Variants in HMCN1 observed in about 807,000 individuals in gnomAD.
HMCN1 encodes hemicentin 1.
HMCN1 carries 321 observed loss-of-function variants against 625.9 expected under a neutral mutation model. That is an observed-to-expected ratio of 0.51 (90% CI 0.47 to 0.56). The LOEUF is 0.56. HMCN1 is among the 20% of genes least tolerant of loss of function. The pLI, the probability that HMCN1 is intolerant of heterozygous loss-of-function variation, is 0.00. For missense variants in HMCN1, 6,588 were observed against 6,887.3 expected (o/e 0.96, Z 1.54); for synonymous variants, 2,425 against 2,417.6 (o/e 1.00, Z -0.09).
At chr1:186,116,074 A>G (rs1271003551) in intron 75 of HMCN1, among the ~76,000 whole-genome samples, 1 of 152,102 alleles carries the variant, frequency 6.6e-6, no homozygotes, top group African/African-American at 2.4e-5. Context: ...ACAAAAATCA[A>G]TTCCAATACA....
intron 85 of HMCN1, among the ~76,000 whole-genome samples, chr1:186,131,822 A>G (rs1217111652): frequency 2.6e-5 from 4 of 152,142 alleles, no homozygotes; most frequent in African/African-American, 7.2e-5. Context: ...TCTGTGATTT[A>G]TTATTATAAG....
chr1:185,811,460 A>G (rs776074684), intron 1 of HMCN1, among the ~76,000 whole-genome samples: 2 of 152,102 alleles, frequency 1.3e-5, no homozygotes, highest in Non-Finnish European at 2.9e-5. Context: ...AGCCAGATGC[A>G]GTGTCATATG....
chr1:186,025,577 G>A (rs1487688038), intron 36 of HMCN1, among the ~76,000 whole-genome samples: 1 of 152,182 alleles, frequency 6.6e-6, no homozygotes, highest in Non-Finnish European at 1.5e-5. Flanking sequence ...ACCAGAGTCT[G>A]TGAGAGAAAT....
intron 33 of HMCN1, 60 bp downstream of exon 33, chr1:186,017,131 C>G: frequency 1.2e-6 from 1 of 863,958 alleles, no homozygotes; most frequent in Non-Finnish European, 2.0e-6. Flanking sequence ...TGTTTTAGAG[C>G]TATCTTGAAA....
chr1:186,021,557 G>A (rs1347353576), intron 35 of HMCN1, among the ~76,000 whole-genome samples: 1 of 151,638 alleles, frequency 6.6e-6, no homozygotes, highest in Non-Finnish European at 1.5e-5. Flanking sequence ...TAAAAATTAT[G>A]GCATTTAAAG....
At chr1:186,095,913 A>G (rs192276569) in intron 68 of HMCN1, among the ~76,000 whole-genome samples, 72 of 152,324 alleles carry the variant, frequency 4.7e-4, no homozygotes, top group African/African-American at 1.5e-3. Context: ...TGTACCTTAT[A>G]GCTGGAATAA....
chr1:185,934,936 C>T (rs1667736207), intron 11 of HMCN1, among the ~76,000 whole-genome samples: 1 of 152,090 alleles, frequency 6.6e-6, no homozygotes, highest in South Asian at 2.1e-4. Flanking sequence ...GAAATATATG[C>T]TGCAATCAGA....
chr1:185,754,032 GGATGAATGGATAAA>G (rs1463664660), intron 1 of HMCN1, among the ~76,000 whole-genome samples: 2 of 152,116 alleles, frequency 1.3e-5, no homozygotes, highest in African/African-American at 4.8e-5. Flanking sequence ...ATCCATGGAT[GGATGAATGGATAAA>G]GAGATGTGGT....
Position 186,115,425 on chromosome 1 carries a change from T to C in HMCN1, c.11561+11T>C, listed in dbSNP as rs1661088991. ...TCAGAACTCATACAGGTAAGGATAA[T>C]TTAAAACTCCTACCAACTATTTACA... On this transcript the variant is annotated intron_variant, in intron 75 of 106. Transcript: ENST00000271588. 8 of 1,609,480 alleles carry C rather than the reference T, an allele frequency of 5.0e-6. No homozygotes were observed. The highest frequency in any genetic ancestry group is 6.8e-6 in the Non-Finnish European group (8 of 1,176,846).
chr1:186,037,915 CT>C lies in HMCN1; in HGVS notation c.5750-18del. ...TATTCTACTTATAAGAAATAATTATCTGTTTGGGCCTCTTGTAGAACCACCT... is the reference window on the plus strand; with the variant it reads ...TATTCTACTTATAAGAAATAATTATCGTTTGGGCCTCTTGTAGAACCACCT... On this transcript the variant is annotated intron_variant, in intron 36 of 106. Coordinates refer to ENST00000271588, the MANE Select transcript of HMCN1 (RefSeq NM_031935.3). 7.4e-7 allele frequency: 1 copy of C among 1,342,810 alleles called. No individual in the cohort carries two copies. The highest frequency in any genetic ancestry group is 1.8e-4 in the Middle Eastern group (1 of 5,542). The allele number at this position is 1,342,810 out of a possible 1,614,324, so 83.2% of individuals were successfully genotyped here. A position where few individuals can be genotyped will look rare whatever the true frequency, so the allele number is the denominator to read the frequency against.
Position 186,076,483 on chromosome 1 carries a change from G to C in HMCN1, c.8346G>C (p.Arg2782Ser), listed in dbSNP as rs199920138. The C allele has an allele frequency of 3.0e-4, 482 of 1,613,708 alleles. No individual in the cohort carries two copies. The highest frequency in any genetic ancestry group is 3.8e-4 in the Non-Finnish European group (449 of 1,179,804). ...TAGGAAACATGCTAGATACTGGCAG[G>C]AATGGTGAAGCCAAAGATGTGATCA... ...WEIGNMLDTGRNGEAKDVIIN... is the reference protein window; with the variant it reads ...WEIGNMLDTGSNGEAKDVIIN... Residue 2782 changes from arginine (R) to serine (S), a missense_variant, in exon 54 of 107, where the codon AGG becomes AGC. Arg to Ser is a moderately radical substitution (Grantham distance 110, BLOSUM62 -1). Transcript: ENST00000271588.
intron 4 of HMCN1, among the ~76,000 whole-genome samples, chr1:185,882,423 G>A (rs929737295): frequency 2.6e-5 from 4 of 151,656 alleles, no homozygotes; most frequent in African/African-American, 9.7e-5. Context: ...GCTCTACAGA[G>A]TTTGTTTAGG....
intron 14 of HMCN1, among the ~76,000 whole-genome samples, chr1:185,969,897 TAA>T (rs779389104): frequency 2.0e-5 from 3 of 152,162 alleles, no homozygotes; most frequent in Non-Finnish European, 2.9e-5. Flanking sequence ...TGCCTTCAAA[TAA>T]AAGTCATTCT....
intron 97 of HMCN1, among the ~76,000 whole-genome samples, chr1:186,157,792 A>G (rs1036722950): frequency 6.6e-6 from 1 of 152,212 alleles, no homozygotes; most frequent in Admixed American, 6.5e-5. Flanking sequence ...ATGGCTGCAT[A>G]GTATTCCATG....
chr1:185,960,757 A>G (rs1649962575), intron 11 of HMCN1, among the ~76,000 whole-genome samples: 1 of 152,250 alleles, frequency 6.6e-6, no homozygotes, highest in African/African-American at 2.4e-5. Flanking sequence ...CCATGTCAAT[A>G]GCTAGACACG....
rs953817214 is a variant in HMCN1, at chr1:186,123,060, T to C, written c.12339T>C (p.His4113=). Residue 4113 remains histidine, a synonymous_variant, in exon 81 of 107, where the codon CAT becomes CAC. Transcript: ENST00000271588. Reference sequence around the variant, plus strand: ...TCCCTCCGCCTGACATTACATGGCATAAAGATGGGCGTGCAATTGTGGAAT... The same window carrying C: ...TCCCTCCGCCTGACATTACATGGCACAAAGATGGGCGTGCAATTGTGGAAT... The part of the protein sequence containing the change: ...DGLPPPDITW[H]KDGRAIVESI... 14 of 1,614,014 alleles carry C rather than the reference T, an allele frequency of 8.7e-6. No individual in the cohort carries two copies. Among genetic ancestry groups the C allele is most frequent in the Non-Finnish European group, 1.2e-5 (14 of 1,180,002 alleles).
At chr1:186,172,782 G>A (rs761861316) in intron 102 of HMCN1, among the ~76,000 whole-genome samples, 1 of 152,004 alleles carries the variant, frequency 6.6e-6, no homozygotes, top group Non-Finnish European at 1.5e-5. Flanking sequence ...ATAATTTATG[G>A]GTTAAATTGG....
Position 186,145,491 on chromosome 1 carries a change from T to C in HMCN1, c.14355T>C (p.Asp4785=), listed in dbSNP as rs755988029. The change falls in exon 92 of 107, where the codon GAT becomes GAC. Residue 4785 remains aspartate, a synonymous_variant. Transcript: ENST00000271588. ...AGATGCGGCGGTACCGCACATGTGA[T>C]AACCCTCCTCCCTCCAATGGGGGAA... ...GGQMRRYRTC[D]NPPPSNGGRA... is the part of the protein sequence containing the mutation. 6.2e-7 allele frequency: 1 copy of C among 1,614,034 alleles called. No individual in the cohort carries two copies. The highest frequency in any genetic ancestry group is 1.7e-5 in the Admixed American group (1 of 60,018).
At chr1:186,117,208 T>C (rs1373598106) in intron 76 of HMCN1, 93 bp downstream of exon 76, 7 of 1,539,246 alleles carry the variant, frequency 4.5e-6, no homozygotes, top group Non-Finnish European at 6.2e-6. Flanking sequence ...TCTTTTTTTT[T>C]TTAAACATTT....
Sources: gnomAD v4.1 joint callset for allele counts (sites outside exome capture counted in the v4.1 genomes callset) on GRCh38, gnomAD v4.1.1 for gene constraint, MANE v1.5 for transcripts, NCBI Gene and HGNC (gene_info 2026-07-23, HGNC 2026-07-21) for gene names.